Variants in UPRT observed in about 807,000 individuals in gnomAD.
The protein encoded by UPRT is RP11-311P8.3.
UPRT carries 5 observed loss-of-function variants against 22.6 expected under a neutral mutation model. The ratio of observed to expected loss-of-function variants is 0.22; its 90% CI spans 0.12 to 0.47. The LOEUF is 0.47. UPRT is among the 20% of genes least tolerant of loss of function. The probability of loss-of-function intolerance (pLI) is 0.99; values close to 1 mark genes in which losing one functional copy is unlikely to be tolerated. For missense variants in UPRT, 181 were observed against 239.9 expected (o/e 0.75, Z 1.62); for synonymous variants, 77 against 87.7 (o/e 0.88, Z 0.68).
At chrX:75,163,640 A>G (rs1420098277) in intron 3 of UPRT, among the ~76,000 whole-genome samples, 1 of 112,401 alleles carries the variant, frequency 8.9e-6, no homozygotes, top group African/African-American at 3.2e-5. Flanking sequence ...ATGAATGTTT[A>G]TAGCAGCATT....
intron 4 of UPRT, among the ~76,000 whole-genome samples, chrX:75,298,744 C>A (rs1212280218): frequency 9.0e-6 from 1 of 111,679 alleles, no homozygotes; most frequent in Non-Finnish European, 1.9e-5. Flanking sequence ...CATTTCAGGA[C>A]AATGATGTTC....
At chrX:75,230,777 C>T (rs2082435855) in intron 4 of UPRT, among the ~76,000 whole-genome samples, 1 of 111,698 alleles carries the variant, frequency 9.0e-6, no homozygotes, top group Non-Finnish European at 1.9e-5. Context: ...CATCCCAGGA[C>T]TCTTTGCAGA....
chrX:75,267,715 G>C (rs1320081661), intron 4 of UPRT, among the ~76,000 whole-genome samples: 1 of 111,919 alleles, frequency 8.9e-6, no homozygotes, highest in Non-Finnish European at 1.9e-5. Flanking sequence ...AAACCAATGA[G>C]AACAAAGACA....
chrX:75,163,451 G>A (rs2082205367), intron 3 of UPRT, among the ~76,000 whole-genome samples: 1 of 111,471 alleles, frequency 9.0e-6, no homozygotes, highest in Non-Finnish European at 1.9e-5. Flanking sequence ...TCAAATCAGG[G>A]GAGTGTTATC....
intron 4 of UPRT, among the ~76,000 whole-genome samples, chrX:75,216,136 A>G (rs1037501262): frequency 1.8e-5 from 2 of 112,128 alleles, no homozygotes; most frequent in Non-Finnish European, 3.8e-5. Context: ...TAACACATCA[A>G]ATCTAACAAT....
chrX:75,233,453 A>T (rs2082447247), intron 4 of UPRT, among the ~76,000 whole-genome samples: 1 of 110,783 alleles, frequency 9.0e-6, no homozygotes, highest in Non-Finnish European at 1.9e-5. Flanking sequence ...GAGATACTCC[A>T]CGAGAAGAGT....
intron 4 of UPRT, among the ~76,000 whole-genome samples, chrX:75,231,544 A>T (rs2082438434): frequency 8.9e-6 from 1 of 112,081 alleles, no homozygotes; most frequent in Non-Finnish European, 1.9e-5. Context: ...AATCAAGAAA[A>T]ATCTTCCCTG....
chrX:75,214,056 C>T (rs1049565116), intron 4 of UPRT, among the ~76,000 whole-genome samples: 10 of 111,984 alleles, frequency 8.9e-5, no homozygotes, highest in Admixed American at 4.8e-4. Context: ...ACAAAACATT[C>T]GCCAAGACTG....
chrX:75,170,295 C>T (rs2082223506), intron 4 of UPRT, among the ~76,000 whole-genome samples: 1 of 111,606 alleles, frequency 9.0e-6, no homozygotes, highest in African/African-American at 3.3e-5. Flanking sequence ...CCTTGGCCTC[C>T]CAAATTGCTG....
chrX:75,255,403 C>A (rs778653739), intron 4 of UPRT, among the ~76,000 whole-genome samples: 3 of 111,878 alleles, frequency 2.7e-5, no homozygotes, highest in Non-Finnish European at 3.8e-5. Flanking sequence ...CACAGAACCT[C>A]TTTAAAGCAT....
At chrX:75,247,954 G>A (rs1272253435) in intron 4 of UPRT, among the ~76,000 whole-genome samples, 1 of 111,869 alleles carries the variant, frequency 8.9e-6, no homozygotes, top group African/African-American at 3.3e-5. Flanking sequence ...CTGATGCCCA[G>A]GCAAACAGGG....
chrX:75,267,692 A>T (rs1222510298), intron 4 of UPRT, among the ~76,000 whole-genome samples: 1 of 112,284 alleles, frequency 8.9e-6, no homozygotes, highest in African/African-American at 3.2e-5. Flanking sequence ...GGTAGGAATA[A>T]AGATTTTCTT....
chrX:75,185,445 G>T (rs1482861832), intron 4 of UPRT, among the ~76,000 whole-genome samples: 1 of 111,857 alleles, frequency 8.9e-6, no homozygotes, highest in Non-Finnish European at 1.9e-5. Flanking sequence ...GAGGATTTTT[G>T]CATCTATGTT....
intron 4 of UPRT, among the ~76,000 whole-genome samples, chrX:75,169,644 T>C (rs2082221453): frequency 8.9e-6 from 1 of 112,062 alleles, no homozygotes; most frequent in African/African-American, 3.2e-5. Flanking sequence ...GAGTACCTGA[T>C]ATAATTTTGA....
At chrX:75,226,579 C>T (rs367673607) in intron 4 of UPRT, among the ~76,000 whole-genome samples, 2 of 111,224 alleles carry the variant, frequency 1.8e-5, no homozygotes, top group South Asian at 3.8e-4. Context: ...AACCTTTGCA[C>T]GTGTTATTCC....
chrX:75,245,400 C>T (rs2082501649), intron 4 of UPRT, among the ~76,000 whole-genome samples: 1 of 111,156 alleles, frequency 9.0e-6, no homozygotes, highest in Non-Finnish European at 1.9e-5. Context: ...TCGAATAAGT[C>T]AAAGAACAAT....
At chrX:75,188,620 G>T (rs1466311529) in intron 4 of UPRT, among the ~76,000 whole-genome samples, 3 of 112,452 alleles carry the variant, frequency 2.7e-5, no homozygotes, top group African/African-American at 9.7e-5. Context: ...CCCTCCCCGA[G>T]CCTCGCTGCC....
chrX:75,227,612 A>G (rs1294977555), intron 4 of UPRT, among the ~76,000 whole-genome samples: 1 of 112,574 alleles, frequency 8.9e-6, no homozygotes. Flanking sequence ...TGTTTCAAAT[A>G]GGAGACATTG....
intron 4 of UPRT, among the ~76,000 whole-genome samples, chrX:75,205,951 G>A (rs1020926716): frequency 2.9e-4 from 32 of 111,772 alleles, no homozygotes; most frequent in African/African-American, 1.0e-3. Context: ...AGGGCCAATG[G>A]GAGAAGTGAA....
Sources: allele counts gnomAD v4.1 joint callset (sites outside exome capture counted in the v4.1 genomes callset), GRCh38; gene constraint gnomAD v4.1.1; transcripts MANE v1.5; gene names NCBI Gene and HGNC (gene_info 2026-07-23, HGNC 2026-07-21).